Variants in PIP5K1B observed in about 807,000 individuals in gnomAD.
The protein encoded by PIP5K1B is phosphatidylinositol-4-phosphate 5-kinase type 1 beta.
PIP5K1B carries 42 observed loss-of-function variants against 67.0 expected under a neutral mutation model. The observed-to-expected ratio is 0.63, with a 90% CI of 0.49 to 0.81. PIP5K1B has a LOEUF of 0.81. PIP5K1B is among the 30% of genes least tolerant of loss of function. PIP5K1B has a pLI of 0.00. For synonymous variants in PIP5K1B, 214 were observed against 231.4 expected, an observed-to-expected ratio of 0.92 and a Z score of 0.68; for missense variants, 459 against 646.3, an observed-to-expected ratio of 0.71 and a Z score of 3.14.
chr9:68,975,565 C>T (rs1481736081), intron 14 of PIP5K1B, among the ~76,000 whole-genome samples: 1 of 152,310 alleles, frequency 6.6e-6, no homozygotes, highest in East Asian at 1.9e-4. Context: ...CCGAGGCCAG[C>T]TTGTCCTTCA....
intron 14 of PIP5K1B, among the ~76,000 whole-genome samples, chr9:68,988,444 G>GTTTTTTTT (rs61373302): frequency 9.1e-6 from 1 of 109,986 alleles, no homozygotes; most frequent in Non-Finnish European, 1.8e-5. Context: ...TTTTTTTGGG[G>GTTTTTTTT]TTTTTTTTTT....
At chr9:68,713,231 T>G (rs897380672) in intron 1 of PIP5K1B, among the ~76,000 whole-genome samples, 4 of 152,122 alleles carry the variant, frequency 2.6e-5, no homozygotes, top group African/African-American at 9.7e-5. Flanking sequence ...AAACCACATC[T>G]CTACCAAAAA....
chr9:68,780,058 C>G, intron 2 of PIP5K1B: 1 of 1,403,186 alleles, frequency 7.1e-7, no homozygotes, highest in Admixed American at 3.1e-5. Context: ...GGGGCCAGCC[C>G]GCTGACAGAT....
chr9:68,890,249 T>A (rs1332381569), intron 7 of PIP5K1B, among the ~76,000 whole-genome samples: 1 of 152,222 alleles, frequency 6.6e-6, no homozygotes, highest in Non-Finnish European at 1.5e-5. Context: ...AAAGGAACAG[T>A]AACTTAGCCT....
chr9:68,932,009 G>A (rs1827028165), intron 12 of PIP5K1B, among the ~76,000 whole-genome samples: 1 of 152,180 alleles, frequency 6.6e-6, no homozygotes, highest in Non-Finnish European at 1.5e-5. Context: ...CTTTGTTGTG[G>A]TGCTATGTGG....
chr9:68,834,606 T>G (rs984127686), intron 4 of PIP5K1B, among the ~76,000 whole-genome samples: 13 of 152,152 alleles, frequency 8.5e-5, no homozygotes, highest in African/African-American at 2.7e-4. Context: ...CTAAGATTGT[T>G]ATAGATTTTC....
At chr9:68,791,217 G>A (rs1021169306) in intron 2 of PIP5K1B, among the ~76,000 whole-genome samples, 1 of 152,170 alleles carries the variant, frequency 6.6e-6, no homozygotes, top group African/African-American at 2.4e-5. Flanking sequence ...CCTGGGATTC[G>A]GCAATCCATC....
At chr9:68,988,606 T>C (rs146647895) in intron 14 of PIP5K1B, among the ~76,000 whole-genome samples, 15,641 of 151,806 alleles carry the variant, frequency 0.1, 971 homozygotes, top group East Asian at 0.23. Flanking sequence ...TGTGCCACCA[T>C]TCCCGGCTAA....
chr9:68,735,469 A>G (rs1171879485), intron 1 of PIP5K1B, among the ~76,000 whole-genome samples: 1 of 151,566 alleles, frequency 6.6e-6, no homozygotes, highest in Non-Finnish European at 1.5e-5. Flanking sequence ...GCTCACTGAA[A>G]CCTCTGACTC....
In PIP5K1B at chr9:68,896,001, AT is replaced by A. The variant is rs546877181; in HGVS notation, c.771+1372del. Among the ~76,000 whole-genome samples the A allele has an allele frequency of 5.0e-3, 763 of 151,548 alleles. 9 individuals are homozygous for A. Among genetic ancestry groups the A allele is most frequent in the African/African-American group, 0.018 (732 of 41,348 alleles). On this transcript the variant is annotated intron_variant, in intron 8 of 15. Coordinates refer to ENST00000265382, the MANE Select transcript of PIP5K1B (RefSeq NM_003558.4). ...TAAAACTTAAAGTCTCACTCTGAGG[AT>A]TTTTTTTTAATTATCTTTTCAGAAG... is the stretch of plus-strand genomic sequence containing the variant.
At chr9:68,882,470 G>C (rs1824245379) in intron 6 of PIP5K1B, among the ~76,000 whole-genome samples, 1 of 152,032 alleles carries the variant, frequency 6.6e-6, no homozygotes, top group Non-Finnish European at 1.5e-5. Context: ...AAGAATATTT[G>C]ACAATGTAGT....
At chr9:68,863,724 C>T in intron 4 of PIP5K1B, 113 bp from the exon 5 acceptor site, 3 of 842,666 alleles carry the variant, frequency 3.6e-6, no homozygotes, top group Non-Finnish European at 5.3e-6. Flanking sequence ...TCAGCCTCGT[C>T]ATTGTTTTGG....
intron 14 of PIP5K1B, chr9:68,941,169 T>C (rs1827543364): frequency 2.2e-6 from 1 of 454,612 alleles, no homozygotes; most frequent in Non-Finnish European, 4.4e-6. Context: ...GTATGTGTGA[T>C]CTTAGTGACT....
At chr9:68,717,190 A>C (rs1827674516) in intron 1 of PIP5K1B, among the ~76,000 whole-genome samples, 1 of 152,194 alleles carries the variant, frequency 6.6e-6, no homozygotes, top group African/African-American at 2.4e-5. Context: ...ACATCATGCA[A>C]TATATCCAGG....
intron 7 of PIP5K1B, 109 bp downstream of exon 7, chr9:68,889,242 G>T: frequency 1.3e-6 from 1 of 798,548 alleles, no homozygotes; most frequent in South Asian, 1.8e-5. Flanking sequence ...TTTCTCTTTG[G>T]TAAGCTTTAT....
chr9:68,984,130 G>A (rs893278078), intron 14 of PIP5K1B, among the ~76,000 whole-genome samples: 10 of 152,062 alleles, frequency 6.6e-5, no homozygotes, highest in South Asian at 6.2e-4. Context: ...AACCCTACTC[G>A]TTCTGTATTA....
intron 14 of PIP5K1B, among the ~76,000 whole-genome samples, chr9:68,985,877 A>G (rs1830075815): frequency 6.6e-6 from 1 of 152,250 alleles, no homozygotes; most frequent in Non-Finnish European, 1.5e-5. Context: ...GTGGTCCTCT[A>G]TGACTGGCGT....
chr9:68,819,216 T>C (rs4745296), intron 3 of PIP5K1B, among the ~76,000 whole-genome samples: 68,583 of 152,042 alleles, frequency 0.45, 15,442 homozygotes, highest in East Asian at 0.5. Context: ...AGATTGATTC[T>C]AGGACCTGTG....
chr9:68,766,424 GA>G (rs1333350726), intron 2 of PIP5K1B, among the ~76,000 whole-genome samples: 1 of 151,964 alleles, frequency 6.6e-6, no homozygotes, highest in Non-Finnish European at 1.5e-5. Flanking sequence ...AAAAATAGTT[GA>G]AAAAAATTAA....
Sources: allele counts gnomAD v4.1 joint callset (sites outside exome capture counted in the v4.1 genomes callset), GRCh38; gene constraint gnomAD v4.1.1; transcripts MANE v1.5; gene names NCBI Gene and HGNC (gene_info 2026-07-23, HGNC 2026-07-21).